TP53BP2: variants seen among roughly 807,000 people sequenced by gnomAD.
The protein encoded by TP53BP2 is tumor protein p53 binding protein 2, also known as apoptosis-stimulating of p53 protein 2.
Under a neutral mutation model 126.2 loss-of-function variants are expected in TP53BP2, and 62 were observed. The ratio of observed to expected loss-of-function variants is 0.49; its 90% CI spans 0.40 to 0.61. The LOEUF is 0.61. TP53BP2 is among the 20% of genes least tolerant of loss of function. TP53BP2 has a pLI of 0.00. For missense variants in TP53BP2, 1,215 were observed against 1,402.8 expected (o/e 0.87, Z 2.14); for synonymous variants, 485 against 502.9 (o/e 0.96, Z 0.48).
chr1:223,795,962 T>C lies in TP53BP2; in HGVS notation c.2577A>G (p.Pro859=). The part of the protein sequence containing the change: ...NLQNNPEEPN[P]EAPHVLDVYL... Reference sequence around the variant, plus strand: ...ACACATCAAGCACATGTGGAGCCTCTGGATTTGGTTCTTCTGGGTTATTCT... The same window carrying C: ...ACACATCAAGCACATGTGGAGCCTCCGGATTTGGTTCTTCTGGGTTATTCT... Residue 859 remains proline (P), a synonymous_variant, in exon 13 of 18, where the codon CCA becomes CCG. Transcript: ENST00000343537. 2 of 1,614,134 alleles carry C rather than the reference T, an allele frequency of 1.2e-6. No individual in the cohort carries two copies. Among genetic ancestry groups the C allele is most frequent in the Non-Finnish European group, 1.7e-6 (2 of 1,180,004 alleles).
chr1:223,836,052 A>G (rs1193117438), intron 1 of TP53BP2, among the ~76,000 whole-genome samples: 2 of 152,206 alleles, frequency 1.3e-5, no homozygotes, highest in Non-Finnish European at 2.9e-5. Flanking sequence ...AGACACAGGA[A>G]ACTGTGGCAT....
In TP53BP2 at chr1:223,806,896, A is replaced by T. The variant is rs763528989; in HGVS notation, c.424T>A (p.Ser142Thr). The change falls in exon 5 of 18, where the codon TCT (serine) becomes ACT (threonine). Residue 142 changes from serine to threonine, a missense_variant. By Grantham distance (58) the Ser-to-Thr change is moderately conservative. Coordinates refer to ENST00000343537, the MANE Select transcript of TP53BP2 (RefSeq NM_001031685.3). ...LTLAELQEMA[S>T]RQQQQIEAQQ... ...GCTTCAATCTGTTGCTGCTGGCGAG[A>T]TGCCATTTCCTGAAGTTCAGCAAGA... 14 of 1,613,982 alleles carry T rather than the reference A, an allele frequency of 8.7e-6. No individual in the cohort carries two copies. In the East Asian group the frequency reaches 3.1e-4, roughly 36 times the overall value.
chr1:223,805,834 C>T (rs1169041974), intron 5 of TP53BP2, among the ~76,000 whole-genome samples: 1 of 152,200 alleles, frequency 6.6e-6, no homozygotes. Context: ...ACAACCACAC[C>T]ATCTGTTTAC....
At chr1:223,815,275 A>G (rs962041192) in intron 2 of TP53BP2, among the ~76,000 whole-genome samples, 1 of 152,218 alleles carries the variant, frequency 6.6e-6, no homozygotes, top group African/African-American at 2.4e-5. Context: ...CCAACCCTGA[A>G]CTTAATCTGC....
chr1:223,804,357 A>G lies in TP53BP2; in HGVS notation c.475-9T>C. The G allele has an allele frequency of 6.2e-7, 1 of 1,612,028 alleles. No individual in the cohort carries two copies. The highest frequency in any genetic ancestry group is 1.1e-5 in the South Asian group (1 of 90,582). On this transcript the variant is annotated splice_polypyrimidine_tract_variant and intron_variant, in intron 5 of 17. Transcript: ENST00000343537. ...AACTTTAAGCGCTGTTCCTAAAAAT[A>G]AAAGTAATCATTAGGTATGTCATTT...
At chr1:223,805,980 C>T (rs1358148313) in intron 5 of TP53BP2, among the ~76,000 whole-genome samples, 1 of 152,182 alleles carries the variant, frequency 6.6e-6, no homozygotes, top group Admixed American at 6.5e-5. Context: ...GATTGGAAGC[C>T]TATGGCTGGC....
intron 14 of TP53BP2, among the ~76,000 whole-genome samples, chr1:223,792,797 T>A (rs765063931): frequency 6.6e-6 from 1 of 151,884 alleles, no homozygotes; most frequent in East Asian, 1.9e-4. Flanking sequence ...CATTTTTGTT[T>A]ATTTATCCTC....
At position 223,780,582 on chromosome 1, in the gene TP53BP2, G is replaced by A. The variant is rs1317901567; in HGVS notation, c.*271C>T. The A allele has an allele frequency of 5.4e-6, 2 of 371,630 alleles. No homozygotes were observed. Among genetic ancestry groups the A allele is most frequent in the Non-Finnish European group, 9.7e-6 (2 of 206,402 alleles). The allele number at this position is 371,630 out of a possible 1,614,324, so 23.0% of individuals were successfully genotyped here. A position where few individuals can be genotyped will look rare whatever the true frequency, so the allele number is the denominator to read the frequency against. On this transcript the variant is annotated 3_prime_UTR_variant, in exon 18 of 18. Coordinates refer to ENST00000343537, the MANE Select transcript of TP53BP2 (RefSeq NM_001031685.3). The stretch of plus-strand genomic sequence containing the variant: ...TAGACAGGATTCTTGTAGAAAACAG[G>A]ATTGTCGCTGTATACTTATCTGAGT...
intron 16 of TP53BP2, among the ~76,000 whole-genome samples, chr1:223,788,427 T>C (rs1490298938): frequency 6.6e-6 from 1 of 152,162 alleles, no homozygotes; most frequent in African/African-American, 2.4e-5. Flanking sequence ...TCCTTGTATA[T>C]ACAAATGCCA....
intron 3 of TP53BP2, among the ~76,000 whole-genome samples, chr1:223,812,321 A>G (rs951571115): frequency 6.6e-6 from 1 of 152,218 alleles, no homozygotes; most frequent in Non-Finnish European, 1.5e-5. Context: ...TATAAATTTA[A>G]TCATTCCTAA....
chr1:223,806,870 G>A lies in TP53BP2; in HGVS notation c.450C>T (p.Ala150=), dbSNP rs1459770431. Reference sequence around the variant, plus strand: ...CCTTAGTTGCCAGCAATTGTTGCTGGGCTTCAATCTGTTGCTGCTGGCGAG... The same window carrying A: ...CCTTAGTTGCCAGCAATTGTTGCTGAGCTTCAATCTGTTGCTGCTGGCGAG... ...MASRQQQQIE[A]QQQLLATKEQ... The change falls in exon 5 of 18, where the codon GCC becomes GCT. Residue 150 remains alanine (A), a synonymous_variant. Transcript: ENST00000343537. 5.0e-6 allele frequency: 8 copies of A among 1,613,778 alleles called. No individual in the cohort carries two copies. The highest frequency in any genetic ancestry group is 1.7e-4 in the Middle Eastern group (1 of 6,058).
chr1:223,840,663 T>C (rs1455015204), intron 1 of TP53BP2, among the ~76,000 whole-genome samples: 1 of 152,208 alleles, frequency 6.6e-6, no homozygotes, highest in Non-Finnish European at 1.5e-5. Flanking sequence ...ACAGTATTCT[T>C]TAAAAGCTCC....
intron 13 of TP53BP2, among the ~76,000 whole-genome samples, 194 bp from the exon 14 acceptor site, chr1:223,793,634 A>G (rs1011282765): frequency 2.0e-5 from 3 of 152,242 alleles, no homozygotes; most frequent in Non-Finnish European, 4.4e-5. Flanking sequence ...GAACTTTCAC[A>G]AAGTGAACAA....
rs772739396 is a variant in TP53BP2, at chr1:223,780,915, T to C, written c.3364-21A>G. ...TACAGCTGCAAGAGAGTTTAAAAAA[T>C]TTTACATACTATAATAGATGTGTGG... On this transcript the variant is annotated intron_variant, in intron 17 of 17. Transcript: ENST00000343537. 2.5e-6 allele frequency: 4 copies of C among 1,608,462 alleles called. No homozygotes were observed. The East Asian group carries it at 6.7e-5, about 27-fold the overall frequency.
At chr1:223,805,882 A>G (rs567042099) in intron 5 of TP53BP2, among the ~76,000 whole-genome samples, 90 of 152,324 alleles carry the variant, frequency 5.9e-4, no homozygotes, top group African/African-American at 2.0e-3. Flanking sequence ...AGACCTGAGT[A>G]GTTGCAACAG....
chr1:223,804,103 A>G (rs1456961745), intron 6 of TP53BP2, 71 bp downstream of exon 6: 1 of 1,507,756 alleles, frequency 6.6e-7, no homozygotes. Flanking sequence ...TGGGCAACAC[A>G]GTAAGACCCT....
intron 1 of TP53BP2, among the ~76,000 whole-genome samples, chr1:223,825,218 G>C (rs1296562952): frequency 6.6e-6 from 1 of 152,096 alleles, no homozygotes; most frequent in African/African-American, 2.4e-5. Context: ...TCAGCGCCTA[G>C]AACTGTGCTT....
rs1157971276 is a variant in TP53BP2, at chr1:223,796,542, G to A, written c.1997C>T (p.Pro666Leu). 8 of 1,613,686 alleles carry A rather than the reference G, an allele frequency of 5.0e-6. No individual in the cohort carries two copies. Among genetic ancestry groups the A allele is most frequent in the Non-Finnish European group, 6.8e-6 (8 of 1,179,828 alleles). Residue 666 changes from proline to leucine, a missense_variant, in exon 13 of 18, where the codon CCA becomes CTA. By Grantham distance (98) the Pro-to-Leu change is moderately conservative. Transcript: ENST00000343537. This position sits in a 1 kb window ranked among gnomAD's most constrained non-coding sequence, Gnocchi z 4.2. ...IAAAQNQQQH[P>L]ENIYSNSQGK... The stretch of plus-strand genomic sequence containing the variant: ...CTGGCTATTGGAATAAATGTTCTCT[G>A]GGTGCTGCTGTTGATTCTGGGCAGC...
At chr1:223,828,484 T>G (rs776211498) in intron 1 of TP53BP2, among the ~76,000 whole-genome samples, 1 of 152,218 alleles carries the variant, frequency 6.6e-6, no homozygotes, top group African/African-American at 2.4e-5. Flanking sequence ...ATATACATTG[T>G]GCCTTCCCTG....
Sources: gnomAD v4.1 joint callset for allele counts (sites outside exome capture counted in the v4.1 genomes callset) on GRCh38, gnomAD v4.1.1 for gene constraint, Gnocchi (gnomAD v3.1) non-coding constraint, MANE v1.5 for transcripts, NCBI Gene and HGNC (gene_info 2026-07-23, HGNC 2026-07-21) for gene names.